SUMF1: variants seen among roughly 807,000 people sequenced by gnomAD.
SUMF1 encodes formylglycine-generating enzyme.
A neutral mutation model predicts 47.6 loss-of-function variants in SUMF1; 48 were observed. That is an observed-to-expected ratio of 1.01 (90% confidence interval 0.80 to 1.28). The LOEUF (loss-of-function observed/expected upper bound fraction) is 1.28, where lower values mean the gene tolerates loss of function less well. Ranked by LOEUF, SUMF1 falls within the 50% of genes most tolerant of loss-of-function variation. The pLI is 0.00. For synonymous variants in SUMF1, 230 were observed against 192.1 expected (o/e 1.20, Z -1.63); for missense variants, 571 against 485.4 (o/e 1.18, Z -1.66).
chr3:4,448,870 C>T (rs983348951), intron 3 of SUMF1, among the ~76,000 whole-genome samples: 5 of 152,308 alleles, frequency 3.3e-5, no homozygotes, highest in South Asian at 4.1e-4. Context: ...TTTAAGGAAG[C>T]TCTATCTCCA....
chr3:4,312,066 C>T (rs1053157338), intron 8 of SUMF1, among the ~76,000 whole-genome samples: 4 of 151,864 alleles, frequency 2.6e-5, no homozygotes, highest in East Asian at 1.9e-4. Flanking sequence ...TTTTCATATT[C>T]CTTTCTTATT....
At position 4,111,552 on chromosome 3, in the gene SUMF1, T is replaced by C. The variant is rs900403327; in HGVS notation, c.1015-42807A>G. ...GGCCAACATGGTGAAACCCCGTCTCTACTAAAAATACAAAAATTAGCTGAG... is the reference window on the plus strand; with the variant it reads ...GGCCAACATGGTGAAACCCCGTCTCCACTAAAAATACAAAAATTAGCTGAG... On this transcript the variant is annotated intron_variant and NMD_transcript_variant, in intron 8 of 12. Transcript: ENST00000448413. 3.3e-5 allele frequency among the ~76,000 whole-genome samples: 5 copies of C among 151,976 alleles called. No individual in the cohort carries two copies. In the East Asian group the frequency reaches 9.7e-4, roughly 29 times the overall value.
At chr3:4,466,806 C>G (rs1215585064) in intron 1 of SUMF1, among the ~76,000 whole-genome samples, 170 bp downstream of exon 1, 4 of 152,208 alleles carry the variant, frequency 2.6e-5, no homozygotes, top group African/African-American at 9.7e-5. Flanking sequence ...TAAATGGAGT[C>G]TTCCGGTGAG....
At chr3:4,185,554 C>G (rs566244687) in intron 8 of SUMF1, among the ~76,000 whole-genome samples, 2 of 152,238 alleles carry the variant, frequency 1.3e-5, no homozygotes, top group African/African-American at 4.8e-5. Flanking sequence ...TTTCCTTTCT[C>G]TAAACTGGGA....
Position 4,345,782 on chromosome 3 carries a change from G to A in SUMF1, c.1014+30548C>T, listed in dbSNP as rs146110136. Reference sequence around the variant, plus strand: ...AAGACCCATCAGCATGCTGTATTCAGGAGACCCATCTTACATGCAAAGACA... The same window carrying A: ...AAGACCCATCAGCATGCTGTATTCAAGAGACCCATCTTACATGCAAAGACA... On this transcript the variant is annotated intron_variant and NMD_transcript_variant, in intron 8 of 12. Transcript: ENST00000448413. Among the ~76,000 whole-genome samples the A allele has an allele frequency of 4.8e-3, 733 of 152,192 alleles. 7 individuals are homozygous for A. Among genetic ancestry groups the A allele is most frequent in the African/African-American group, 0.017 (706 of 41,508 alleles).
intron 8 of SUMF1, among the ~76,000 whole-genome samples, chr3:4,218,943 G>A (rs558416883): frequency 2.0e-5 from 3 of 152,056 alleles, no homozygotes; most frequent in Non-Finnish European, 4.4e-5. Flanking sequence ...GCTCACAGAG[G>A]AAGTCAGATT....
chr3:4,463,653 G>A (rs1347172770), intron 1 of SUMF1, among the ~76,000 whole-genome samples: 1 of 152,228 alleles, frequency 6.6e-6, no homozygotes, highest in East Asian at 1.9e-4. Context: ...GCATTCGATT[G>A]TGCCTCATTG....
At chr3:4,328,563 C>A (rs192314424) in intron 8 of SUMF1, among the ~76,000 whole-genome samples, 1 of 152,252 alleles carries the variant, frequency 6.6e-6, no homozygotes, top group Non-Finnish European at 1.5e-5. Context: ...TTCACTACCA[C>A]GAGAACAGTA....
At chr3:4,466,677 C>G (rs1467753272) in intron 1 of SUMF1, among the ~76,000 whole-genome samples, 1 of 152,090 alleles carries the variant, frequency 6.6e-6, no homozygotes, top group Non-Finnish European at 1.5e-5. Context: ...GTGATTTAAA[C>G]CATAATTTGA....
At chr3:4,044,646 T>C (rs1449711271) in intron 9 of SUMF1, among the ~76,000 whole-genome samples, 1 of 152,248 alleles carries the variant, frequency 6.6e-6, no homozygotes, top group African/African-American at 2.4e-5. Flanking sequence ...GATTCGTGTC[T>C]TGCAATCCTG....
chr3:4,449,038 G>C (rs905866853), intron 3 of SUMF1, among the ~76,000 whole-genome samples: 10 of 152,180 alleles, frequency 6.6e-5, no homozygotes, highest in African/African-American at 2.2e-4. Context: ...TGGCACACAA[G>C]ACAGAAACTC....
chr3:4,292,755 A>G (rs1176953588), intron 8 of SUMF1, among the ~76,000 whole-genome samples: 1 of 152,200 alleles, frequency 6.6e-6, no homozygotes, highest in Non-Finnish European at 1.5e-5. Flanking sequence ...AGGGTCTGGA[A>G]AGTGCAATCT....
In SUMF1 at chr3:4,191,905, T is replaced by C. The variant is rs192118420; in HGVS notation, c.1015-123160A>G. On this transcript the variant is annotated intron_variant and NMD_transcript_variant, in intron 8 of 12. Coordinates refer to the SUMF1 transcript ENST00000448413. The stretch of plus-strand genomic sequence containing the variant: ...TGAGGTAGAGGCATATTCTAAATAA[T>C]GTAATAACACAGAGGAAAGAGAGAT... Among the ~76,000 whole-genome samples, 80 of 152,270 alleles carry C rather than the reference T, an allele frequency of 5.3e-4. 1 individual carries two copies. The East Asian group carries it at 0.015, about 28-fold the overall frequency.
chr3:4,421,090 G>A (rs711663), intron 3 of SUMF1, among the ~76,000 whole-genome samples: 133,269 of 152,140 alleles, frequency 0.88, 60,325 homozygotes, highest in East Asian at 0.98. Context: ...CCTACTTTAT[G>A]GTTCTGTTAA....
chr3:4,425,935 C>T (rs1702054658), intron 3 of SUMF1, among the ~76,000 whole-genome samples: 1 of 152,162 alleles, frequency 6.6e-6, no homozygotes, highest in Non-Finnish European at 1.5e-5. Context: ...TTTATAAAAC[C>T]ATCACCATGT....
At chr3:4,374,218 T>A (rs1700255908) in intron 8 of SUMF1, among the ~76,000 whole-genome samples, 1 of 152,130 alleles carries the variant, frequency 6.6e-6, no homozygotes, top group Non-Finnish European at 1.5e-5. Flanking sequence ...ATAAAAGGGA[T>A]CTAGATTAAA....
chr3:4,333,975 A>G (rs369562149), intron 8 of SUMF1, among the ~76,000 whole-genome samples: 1 of 152,088 alleles, frequency 6.6e-6, no homozygotes, highest in African/African-American at 2.4e-5. Context: ...AAAAATATTT[A>G]AAAAGTAGCC....
chr3:4,255,827 A>G (rs1341928267), intron 8 of SUMF1, among the ~76,000 whole-genome samples: 1 of 94,960 alleles, frequency 1.1e-5, no homozygotes, highest in Non-Finnish European at 2.1e-5. Flanking sequence ...TTTCAGCACC[A>G]CACCACACCT....
chr3:4,398,596 A>G (rs907457752), intron 7 of SUMF1, among the ~76,000 whole-genome samples: 11 of 152,196 alleles, frequency 7.2e-5, no homozygotes, highest in African/African-American at 2.4e-4. Flanking sequence ...TTAACAAGTC[A>G]GACGTCAGAT....
Sources: gnomAD v4.1 joint callset for allele counts (sites outside exome capture counted in the v4.1 genomes callset) on GRCh38, gnomAD v4.1.1 for gene constraint, MANE v1.5 for transcripts, NCBI Gene and HGNC (gene_info 2026-07-23, HGNC 2026-07-21) for gene names.